Variants in MRPS35 observed in about 807,000 individuals in gnomAD.
MRPS35 encodes mitochondrial ribosomal protein S35.
Under a neutral mutation model 32.7 loss-of-function variants are expected in MRPS35, and 29 were observed. The observed-to-expected ratio is 0.89, with a 90% CI of 0.66 to 1.21. The LOEUF (loss-of-function observed/expected upper bound fraction) is 1.21, where lower values mean the gene tolerates loss of function less well. MRPS35 is among the 50% of genes most tolerant of loss of function. The probability of loss-of-function intolerance (pLI) is 0.00; values close to 1 mark genes in which losing one functional copy is unlikely to be tolerated. For missense variants in MRPS35, 373 were observed against 383.8 expected, an observed-to-expected ratio of 0.97 and a Z score of 0.23; for synonymous variants, 148 against 139.3, an observed-to-expected ratio of 1.06 and a Z score of -0.44.
intron 4 of MRPS35, among the ~76,000 whole-genome samples, chr12:27,720,764 C>T (rs940055610): frequency 1.3e-5 from 2 of 151,960 alleles, no homozygotes; most frequent in African/African-American, 4.8e-5. Context: ...ATTTTGAAAA[C>T]CTATTGATTT....
Position 27,737,540 on chromosome 12 carries a change from T to A in MRPS35, c.634T>A (p.Cys212Ser). ...TDVLTIKTDRCPLRRQNYDYA... is the reference protein window; with the variant it reads ...TDVLTIKTDRSPLRRQNYDYA... Reference sequence around the variant, plus strand: ...CTTCTCCCGCTTTCTCTTTAATAGGTGCCCTTTAAGGAGGCAGAATTACGA... The same window carrying A: ...CTTCTCCCGCTTTCTCTTTAATAGGAGCCCTTTAAGGAGGCAGAATTACGA... The change falls in exon 7 of 8, where the codon TGC becomes AGC. Residue 212 changes from cysteine (C) to serine (S), a missense_variant and splice_region_variant. Physicochemically the swap from Cys to Ser is moderately radical, Grantham distance 112 (BLOSUM62 -1). Transcript: ENST00000081029. The A allele has an allele frequency of 1.2e-6, 2 of 1,611,912 alleles. No homozygotes were observed. Among genetic ancestry groups the A allele is most frequent in the Non-Finnish European group, 1.7e-6 (2 of 1,178,432 alleles).
chr12:27,753,221 G>T (rs1158992805), intron 7 of MRPS35, among the ~76,000 whole-genome samples: 1 of 152,100 alleles, frequency 6.6e-6, no homozygotes, highest in Admixed American at 6.6e-5. Context: ...GAATTTGGGG[G>T]CCAGGGAAGA....
intron 6 of MRPS35, among the ~76,000 whole-genome samples, chr12:27,736,066 TAAAG>T (rs1422764570): frequency 6.6e-6 from 1 of 152,226 alleles, no homozygotes; most frequent in African/African-American, 2.4e-5. Context: ...TTATTTGAAG[TAAAG>T]AAAGGTTATT....
At chr12:27,714,292 A>ATTTTCC (rs1395764894) in intron 1 of MRPS35, among the ~76,000 whole-genome samples, 1 of 151,962 alleles carries the variant, frequency 6.6e-6, no homozygotes, top group African/African-American at 2.4e-5. Flanking sequence ...TAACTGTAGA[A>ATTTTCC]TTTTCCTTAC....
chr12:27,748,702 G>A (rs568810771), intron 7 of MRPS35, among the ~76,000 whole-genome samples: 5 of 151,958 alleles, frequency 3.3e-5, no homozygotes, highest in South Asian at 2.1e-4. Flanking sequence ...ACAAGGTCTG[G>A]CCCTGTCACC....
chr12:27,723,738 T>G (rs1025587872), intron 4 of MRPS35, among the ~76,000 whole-genome samples: 1 of 152,216 alleles, frequency 6.6e-6, no homozygotes, highest in African/African-American at 2.4e-5. Context: ...GGAAGTAAAC[T>G]GTCCAGTAAC....
rs762062628 is a variant in MRPS35 at position 27,724,170 on chromosome 12, G to A, written c.506G>A (p.Arg169Gln). ...CCATCTGTTCGGAACCCCAGAGCAC[G>A]AGTAGTAGTCTTAAGAGTAAGAGTT... The part of the protein sequence containing the change: ...SGPSVRNPRA[R>Q]VVVLRVKLSS... The change falls in exon 5 of 8, where the codon CGA becomes CAA. Residue 169 changes from arginine (R) to glutamine (Q), a missense_variant. By Grantham distance (43) the Arg-to-Gln change is conservative. Coordinates refer to ENST00000081029, the MANE Select transcript of MRPS35 (RefSeq NM_021821.4). The A allele has an allele frequency of 1.3e-5, 20 of 1,583,082 alleles. No homozygotes were observed. Among genetic ancestry groups the A allele is most frequent in the Admixed American group, 3.9e-5 (2 of 50,882 alleles).
Position 27,719,462 on chromosome 12 carries a change from C to A in MRPS35, c.322-346C>A, listed in dbSNP as rs539760991. 5.1e-3 allele frequency among the ~76,000 whole-genome samples: 780 copies of A among 151,866 alleles called. 2 individuals carry two copies. The highest frequency in any genetic ancestry group is 0.017 in the Middle Eastern group (5 of 294). On this transcript the variant is annotated intron_variant, in intron 3 of 7. Transcript: ENST00000081029. ...CGGGTGGATCATGAGGTCAGGAGAT[C>A]GAGACCATCCTGGCTAACAAGGTGA... is the stretch of plus-strand genomic sequence containing the variant.
chr12:27,715,520 T>C (rs1014818436), intron 2 of MRPS35, among the ~76,000 whole-genome samples: 36 of 152,164 alleles, frequency 2.4e-4, no homozygotes, highest in African/African-American at 8.2e-4. Flanking sequence ...ATTCCTTACT[T>C]CTATGGAGGA....
At chr12:27,714,903 G>GT in intron 2 of MRPS35, 83 bp downstream of exon 2, 1 of 1,233,148 alleles carries the variant, frequency 8.1e-7, no homozygotes, top group South Asian at 1.3e-5. Context: ...GCAGAAGGGT[G>GT]TTACCAGAGA....
chr12:27,730,906 C>T (rs2061919918), intron 5 of MRPS35, among the ~76,000 whole-genome samples: 1 of 152,262 alleles, frequency 6.6e-6, no homozygotes, highest in South Asian at 2.1e-4. Context: ...ATGCAGAGCC[C>T]ACACTTAAGG....
chr12:27,737,199 T>C (rs887317543), intron 6 of MRPS35, among the ~76,000 whole-genome samples: 2 of 152,238 alleles, frequency 1.3e-5, no homozygotes, highest in African/African-American at 4.8e-5. Flanking sequence ...TCATCAGATA[T>C]GTTCATGCTA....
At chr12:27,719,161 T>C (rs1391159103) in intron 3 of MRPS35, among the ~76,000 whole-genome samples, 1 of 152,176 alleles carries the variant, frequency 6.6e-6, no homozygotes, top group Non-Finnish European at 1.5e-5. Context: ...TATACATGTA[T>C]ACCTGTAGAT....
At chr12:27,744,033 T>G (rs1040840668) in intron 7 of MRPS35, among the ~76,000 whole-genome samples, 3 of 152,262 alleles carry the variant, frequency 2.0e-5, no homozygotes, top group African/African-American at 7.2e-5. Context: ...TCATTTCTTA[T>G]GTATCTTTCA....
At chr12:27,714,931 GT>G in intron 2 of MRPS35, 111 bp downstream of exon 2, 1 of 872,564 alleles carries the variant, frequency 1.1e-6, no homozygotes, top group Non-Finnish European at 1.8e-6. Flanking sequence ...ACAAGGTCAT[GT>G]TTACTGGGTG....
At chr12:27,751,153 A>G (rs576203802) in intron 7 of MRPS35, among the ~76,000 whole-genome samples, 170 of 151,992 alleles carry the variant, frequency 1.1e-3, no homozygotes, top group African/African-American at 3.9e-3. Context: ...GGAAAAGAAA[A>G]AAGAAAATGT....
At chr12:27,721,864 A>G (rs2061876710) in intron 4 of MRPS35, among the ~76,000 whole-genome samples, 2 of 152,074 alleles carry the variant, frequency 1.3e-5, no homozygotes, top group Admixed American at 1.3e-4. Context: ...AGGAAAAAGG[A>G]TTGCTTGATC....
intron 7 of MRPS35, among the ~76,000 whole-genome samples, chr12:27,739,616 C>G (rs1591800929): frequency 6.6e-6 from 1 of 152,162 alleles, no homozygotes; most frequent in Non-Finnish European, 1.5e-5. Context: ...CAGTTAATCT[C>G]TTTCCTACAC....
intron 5 of MRPS35, among the ~76,000 whole-genome samples, chr12:27,727,136 AT>A (rs2061903968): frequency 6.6e-6 from 1 of 151,668 alleles, no homozygotes; most frequent in South Asian, 2.1e-4. Flanking sequence ...AATTTTTTGT[AT>A]TTTTAGTAGA....
Sources: allele counts gnomAD v4.1 joint callset (sites outside exome capture counted in the v4.1 genomes callset), GRCh38; gene constraint gnomAD v4.1.1; transcripts MANE v1.5; gene names NCBI Gene and HGNC (gene_info 2026-07-23, HGNC 2026-07-21).